The following TRIM25 variants were observed in gnomAD, a reference collection of about 807,000 sequenced individuals.
The protein encoded by TRIM25 is tripartite motif containing 25.
In TRIM25, 45 loss-of-function variants were observed where a neutral mutation model predicts 65.2. The observed-to-expected ratio is 0.69, with a 90% confidence interval of 0.54 to 0.89. The LOEUF is 0.89. TRIM25 is among the 40% of genes least tolerant of loss of function. The pLI is 0.00. For missense variants in TRIM25, 714 were observed against 803.7 expected (o/e 0.89, Z 1.35); for synonymous variants, 321 against 340.4 (o/e 0.94, Z 0.63).
At chr17:56,899,266 G>T (rs112060241) in intron 4 of TRIM25, 86 bp from the exon 5 acceptor site, 2 of 1,403,246 alleles carry the variant, frequency 1.4e-6, no homozygotes, top group Admixed American at 3.5e-5. Flanking sequence ...TGGGCAGGCA[G>T]AGGGTTTACA....
At position 56,891,603 on chromosome 17, in the gene TRIM25, C is replaced by A; in HGVS notation, c.*97G>T. 2 of 1,296,760 alleles carry A rather than the reference C, an allele frequency of 1.5e-6. No homozygotes were observed. Among genetic ancestry groups the A allele is most frequent in the South Asian group, 2.9e-5 (2 of 69,496 alleles). 80.3% of individuals were successfully genotyped at this position (1,296,760 alleles called of 1,614,324 possible). A position where few individuals can be genotyped will look rare whatever the true frequency, so the allele number is the denominator to read the frequency against. On this transcript the variant is annotated 3_prime_UTR_variant, in exon 9 of 9. Transcript: ENST00000316881. Reference sequence around the variant, plus strand: ...CCTCCCATGCTCCCAATCCTTGGGACCTCTTGGGGAATTATCCAAGGAGAG... The same window carrying A: ...CCTCCCATGCTCCCAATCCTTGGGAACTCTTGGGGAATTATCCAAGGAGAG...
chr17:56,891,554 A>AACCCC lies in TRIM25; in HGVS notation c.*145_*146insGGGGT. 1 of 272,548 alleles carries AACCCC rather than the reference A, an allele frequency of 3.7e-6. No individual in the cohort carries two copies. The highest frequency in any genetic ancestry group is 7.2e-6 in the Non-Finnish European group (1 of 139,798). The allele number at this position is 272,548 out of a possible 1,614,324, so 16.9% of individuals were successfully genotyped here. On this transcript the variant is annotated 3_prime_UTR_variant, in exon 9 of 9. Coordinates refer to ENST00000316881, the MANE Select transcript of TRIM25 (RefSeq NM_005082.5). ...CTCACCCCTTTCCTGGCTAAATCCC[A>AACCCC]CCTCCCACCCTCCCGCCAGCTCCCC...
Position 56,895,730 on chromosome 17 carries a change from C to T in TRIM25, c.1181-126G>A. 2.4e-6 allele frequency: 3 copies of T among 1,244,516 alleles called. No homozygotes were observed. The South Asian group carries it at 4.5e-5, about 19-fold the overall frequency. The allele number at this position is 1,244,516 out of a possible 1,614,324, so 77.1% of individuals were successfully genotyped here. A position where few individuals can be genotyped will look rare whatever the true frequency, so the allele number is the denominator to read the frequency against. ...GCAGGACAACACAGGGGAAAACAGACAAGGCTAAAGTCACCTTATTCATCT... is the reference window on the plus strand; with the variant it reads ...GCAGGACAACACAGGGGAAAACAGATAAGGCTAAAGTCACCTTATTCATCT... On this transcript the variant is annotated intron_variant, in intron 6 of 8. Coordinates refer to ENST00000316881, the MANE Select transcript of TRIM25 (RefSeq NM_005082.5).
intron 8 of TRIM25, among the ~76,000 whole-genome samples, chr17:56,893,880 C>A (rs2525997): frequency 0.87 from 132,930 of 152,200 alleles, 58,945 homozygotes; most frequent in African/African-American, 0.93. Flanking sequence ...CACGGAGTAC[C>A]CTGATGACCT....
chr17:56,898,376 C>T (rs1329690967), intron 5 of TRIM25, among the ~76,000 whole-genome samples: 1 of 151,982 alleles, frequency 6.6e-6, no homozygotes, highest in African/African-American at 2.4e-5. Flanking sequence ...TCATAAAGAG[C>T]TCTCACAATC....
intron 8 of TRIM25, 62 bp downstream of exon 8, chr17:56,895,281 C>T: frequency 5.8e-6 from 8 of 1,381,182 alleles, no homozygotes; most frequent in Non-Finnish European, 8.2e-6. Context: ...CAGAGAGCTG[C>T]ACAGAGCGGC....
intron 5 of TRIM25, 98 bp downstream of exon 5, chr17:56,899,017 C>A: frequency 7.2e-7 from 1 of 1,397,166 alleles, no homozygotes; most frequent in East Asian, 2.3e-5. Context: ...GAGGTCCAGG[C>A]CCCACAGTGA....
intron 6 of TRIM25, 93 bp downstream of exon 6, chr17:56,895,833 C>A (rs1224165621): frequency 2.0e-6 from 3 of 1,507,130 alleles, no homozygotes; most frequent in South Asian, 1.2e-5. Flanking sequence ...CATCACAGAA[C>A]CCTGATGAGA....
rs768775619 is a variant in TRIM25 at position 56,913,415 on chromosome 17, T to G, written c.574A>C (p.Ser192Arg). The part of the protein sequence containing the change: ...EHKTCSPASL[S>R]QASADLEATL... ...ACCTCCAGGTCGGCGCTGGCCTGGC[T>G]CAGGGACGCGGGAGAGCAGGTCTTA... is the stretch of plus-strand genomic sequence containing the variant. The change falls in exon 1 of 9, where the codon AGC becomes CGC. Residue 192 changes from serine to arginine, a missense_variant. By Grantham distance (110) the Ser-to-Arg change is moderately radical (BLOSUM62 -1). Coordinates refer to ENST00000316881, the MANE Select transcript of TRIM25 (RefSeq NM_005082.5). The surrounding 1 kb of genome is among the most constrained non-coding windows in gnomAD (Gnocchi z 6.1). The G allele has an allele frequency of 2.4e-5, 38 of 1,577,404 alleles. No homozygotes were observed. The highest frequency in any genetic ancestry group is 3.2e-5 in the Non-Finnish European group (37 of 1,156,698).
chr17:56,913,776 G>T lies in TRIM25; in HGVS notation c.213C>A (p.Asn71Lys), dbSNP rs756422046. 46 of 1,553,524 alleles carry T rather than the reference G, an allele frequency of 3.0e-5. No individual in the cohort carries two copies. The highest frequency in any genetic ancestry group is 3.7e-5 in the Non-Finnish European group (43 of 1,150,566). The change falls in exon 1 of 9, where the codon AAC becomes AAA. Residue 71 changes from asparagine (N) to lysine (K), a missense_variant. Asn to Lys is a moderately conservative substitution (Grantham distance 94). Around this residue, in one of 3 missense-constraint regions of TRIM25, gnomAD observed 291 missense variants for 281.8 expected, o/e 1.03. Coordinates refer to ENST00000316881, the MANE Select transcript of TRIM25 (RefSeq NM_005082.5). This position sits in a 1 kb window ranked among gnomAD's most constrained non-coding sequence, Gnocchi z 6.1. ...CGGCCTGCAGGAACTGCTCCACCAC[G>T]TTGCACAGCACCGTGTTCTTGTGCA... ...PQLHKNTVLC[N>K]VVEQFLQADL...
intron 2 of TRIM25, among the ~76,000 whole-genome samples, chr17:56,905,900 C>T (rs549961617): frequency 6.6e-6 from 1 of 152,120 alleles, no homozygotes; most frequent in Non-Finnish European, 1.5e-5. Context: ...GAGTTCAAAG[C>T]TGCAGTGAGC....
intron 1 of TRIM25, among the ~76,000 whole-genome samples, chr17:56,911,744 T>G (rs183594196): frequency 7.9e-4 from 119 of 151,212 alleles, no homozygotes; most frequent in African/African-American, 2.4e-3. Context: ...TTTTAAAACT[T>G]AGCCAGGTGT....
intron 2 of TRIM25, among the ~76,000 whole-genome samples, chr17:56,906,435 G>A (rs138335513): frequency 1.1e-4 from 16 of 151,834 alleles, no homozygotes; most frequent in Non-Finnish European, 1.8e-4. Context: ...ACATAACAAA[G>A]AGAAAAACAC....
intron 8 of TRIM25, among the ~76,000 whole-genome samples, chr17:56,893,319 T>G (rs1259256391): frequency 6.6e-6 from 1 of 152,174 alleles, no homozygotes; most frequent in Non-Finnish European, 1.5e-5. Flanking sequence ...GAAAAGGCCC[T>G]AAGTTGATAG....
Position 56,904,318 on chromosome 17 carries a change from G to A in TRIM25, c.864C>T (p.Ile288=). 6.2e-7 allele frequency: 1 copy of A among 1,614,018 alleles called. No homozygotes were observed. The highest frequency in any genetic ancestry group is 1.7e-5 in the Admixed American group (1 of 60,004). Residue 288 remains isoleucine (I), a synonymous_variant, in exon 3 of 9, where the codon ATC becomes ATT. Transcript: ENST00000316881. ...GTTCAATCTCCTCCTTCAAGGTCTGGATCTCACTCTTCTTCTTGAGGAGAA... is the reference window on the plus strand; with the variant it reads ...GTTCAATCTCCTCCTTCAAGGTCTGAATCTCACTCTTCTTCTTGAGGAGAA... ...YQILLKKKSE[I]QTLKEEIEQS... is the part of the protein sequence containing the mutation.
chr17:56,913,954 G>T lies in TRIM25; in HGVS notation c.35C>A (p.Ser12Ter). 3.8e-6 allele frequency: 6 copies of T among 1,583,690 alleles called. No individual in the cohort carries two copies. The highest frequency in any genetic ancestry group is 1.1e-5 in the South Asian group (1 of 87,336). ...AELCPLAEEL[S>*]CSICLEPFKE... The stretch of plus-strand genomic sequence containing the variant: ...GAAGGGCTCCAGGCAGATGGAGCAC[G>T]ACAGCTCCTCGGCCAGGGGGCACAG... The change falls in exon 1 of 9, where the codon TCG becomes TAG. Residue 12 changes from serine to a stop codon, truncating the protein, a stop_gained. Coordinates refer to ENST00000316881, the MANE Select transcript of TRIM25 (RefSeq NM_005082.5). LOFTEE classifies it high-confidence loss of function. This position sits in a 1 kb window ranked among gnomAD's most constrained non-coding sequence, Gnocchi z 6.1.
chr17:56,906,004 T>C (rs2144360137), intron 2 of TRIM25, among the ~76,000 whole-genome samples: 1 of 152,356 alleles, frequency 6.6e-6, no homozygotes, highest in East Asian at 1.9e-4. Flanking sequence ...TCATGTACTA[T>C]TCAAATTAAC....
intron 4 of TRIM25, among the ~76,000 whole-genome samples, chr17:56,899,987 G>A (rs1325718684): frequency 5.9e-5 from 9 of 152,168 alleles, no homozygotes; most frequent in Non-Finnish European, 2.9e-5. Flanking sequence ...GCTGAGGCAG[G>A]CAGATTACTT....
intron 2 of TRIM25, among the ~76,000 whole-genome samples, chr17:56,905,997 T>G (rs1465991589): frequency 6.6e-6 from 1 of 152,202 alleles, no homozygotes; most frequent in Non-Finnish European, 1.5e-5. Context: ...ATAAATCTCA[T>G]GTACTATTCA....
Sources: gnomAD v4.1 joint callset for allele counts (sites outside exome capture counted in the v4.1 genomes callset) on GRCh38, gnomAD v4.1.1 for gene constraint, gnomAD v4.1.1 regional missense constraint, Gnocchi (gnomAD v3.1) non-coding constraint, MANE v1.5 for transcripts, NCBI Gene and HGNC (gene_info 2026-07-23, HGNC 2026-07-21) for gene names.